The following DENND3 variants were observed in gnomAD, a reference collection of about 807,000 sequenced individuals.
The protein encoded by DENND3 is DENN domain containing 3, also known as DENN domain-containing protein 3.
In DENND3, 88 loss-of-function variants were observed where a neutral mutation model predicts 135.1. That is an observed-to-expected ratio of 0.65 (90% CI 0.55 to 0.78). The LOEUF (loss-of-function observed/expected upper bound fraction) is 0.78. DENND3 is among the 30% of genes least tolerant of loss of function. DENND3 has a pLI of 0.00. For missense variants in DENND3, 1,392 were observed against 1,688.4 expected (o/e 0.82, Z 3.08); for synonymous variants, 693 against 712.3 (o/e 0.97, Z 0.43).
Position 141,167,169 on chromosome 8 carries a change from C to G in DENND3, c.1753+780C>G, listed in dbSNP as rs1820916773. 6.6e-6 allele frequency among the ~76,000 whole-genome samples: 1 copy of G among 152,184 alleles called. No homozygotes were observed. Among genetic ancestry groups the G allele is most frequent in the Admixed American group, 6.5e-5 (1 of 15,286 alleles). ...TCTTTATCGGCTGAGCGCTGGAGCT[C>G]AGAGCGAACATTCTGGAGGCCACTG... is the stretch of plus-strand genomic sequence containing the variant. On this transcript the variant is annotated intron_variant, in intron 12 of 22. Coordinates refer to ENST00000519811, the MANE Select transcript of DENND3 (RefSeq NM_001352890.3). The surrounding 1 kb of genome is among the most constrained non-coding windows in gnomAD (Gnocchi z 4.1).
rs1367436500 is a variant in DENND3, at chr8:141,180,802, C to G, written c.2892C>G (p.Pro964=). Residue 964 remains proline, a synonymous_variant, in exon 17 of 23, where the codon CCC becomes CCG. Coordinates refer to ENST00000519811, the MANE Select transcript of DENND3 (RefSeq NM_001352890.3). ...TLETLKHKIN[P]SAGEAFPQAV... is the part of the protein sequence containing the mutation. ...AAACACTGAAGCATAAAATCAACCC[C>G]TCGGCGGGGGAGGCGTTCCCACAAG... is the stretch of plus-strand genomic sequence containing the variant. 10 of 1,613,588 alleles carry G rather than the reference C, an allele frequency of 6.2e-6. No individual in the cohort carries two copies. Among genetic ancestry groups the G allele is most frequent in the Middle Eastern group, 1.6e-4 (1 of 6,084 alleles).
rs1286450696 is a variant in DENND3 at position 141,178,000 on chromosome 8, A to G, written c.2707-67A>G. ...TGGAAGGATTGTCCTGTGTGTTGCAACAAGGTCTCCGGTGAACTGATCTTA... is the reference window on the plus strand; with the variant it reads ...TGGAAGGATTGTCCTGTGTGTTGCAGCAAGGTCTCCGGTGAACTGATCTTA... On this transcript the variant is annotated intron_variant, in intron 15 of 22. Coordinates refer to ENST00000519811, the MANE Select transcript of DENND3 (RefSeq NM_001352890.3). 2.5e-5 allele frequency: 39 copies of G among 1,534,298 alleles called. No homozygotes were observed. The South Asian group carries it at 4.1e-4, about 16-fold the overall frequency.
chr8:141,178,016 A>G, intron 15 of DENND3, 51 bp from the exon 16 acceptor site: 1 of 1,566,584 alleles, frequency 6.4e-7, no homozygotes, highest in South Asian at 1.1e-5. Context: ...TCTCCGGTGA[A>G]CTGATCTTAG....
Position 141,166,464 on chromosome 8 carries a change from T to C in DENND3, c.1753+75T>C. The C allele has an allele frequency of 1.3e-6, 2 of 1,482,494 alleles. No homozygotes were observed. The highest frequency in any genetic ancestry group is 1.8e-6 in the Non-Finnish European group (2 of 1,101,224). 91.8% of individuals were successfully genotyped at this position (1,482,494 alleles called of 1,614,324 possible). Reference sequence around the variant, plus strand: ...GCACCTGCAAGTCATTGAGCAAAACTGGGACTTGTTTCAGGAGAGACGAGT... The same window carrying C: ...GCACCTGCAAGTCATTGAGCAAAACCGGGACTTGTTTCAGGAGAGACGAGT... On this transcript the variant is annotated intron_variant, in intron 12 of 22. Transcript: ENST00000519811. The surrounding 1 kb of genome is among the most constrained non-coding windows in gnomAD (Gnocchi z 4.3).
intron 15 of DENND3, chr8:141,177,669 C>T (rs1822567517): frequency 6.1e-6 from 1 of 164,030 alleles, no homozygotes; most frequent in African/African-American, 2.4e-5. Flanking sequence ...CCAGCATAGT[C>T]AAACCAAAGC....
intron 16 of DENND3, among the ~76,000 whole-genome samples, chr8:141,179,809 C>T (rs140869374): frequency 1.8e-4 from 28 of 152,298 alleles, no homozygotes; most frequent in South Asian, 1.0e-3. Flanking sequence ...ATGGGGATAA[C>T]GGGACCAATC....
At position 141,131,484 on chromosome 8, in the gene DENND3, G is replaced by T. The variant is rs539215188; in HGVS notation, c.102+2675G>T. On this transcript the variant is annotated intron_variant, in intron 1 of 22. Transcript: ENST00000519811. ...TGGCCTTCCTGGGTGATGGCAGTTC[G>T]TGTCCTCTCTTTGCACCGTGCAGTA... Among the ~76,000 whole-genome samples, 3 of 152,290 alleles carry T rather than the reference G, an allele frequency of 2.0e-5. 1 individual carries two copies. The Middle Eastern group carries it at 0.01, about 518-fold the overall frequency.
intron 6 of DENND3, 91 bp from the exon 7 acceptor site, chr8:141,151,528 T>C: frequency 7.9e-7 from 1 of 1,272,586 alleles, no homozygotes; most frequent in Non-Finnish European, 1.1e-6. Context: ...ACCACTGCAC[T>C]CCAGCCTGGG....
chr8:141,168,391 T>G lies in DENND3; in HGVS notation c.2141T>G (p.Leu714Arg). Residue 714 changes from leucine (L) to arginine (R), a missense_variant, in exon 13 of 23, where the codon CTG becomes CGG. Coordinates refer to ENST00000519811, the MANE Select transcript of DENND3 (RefSeq NM_001352890.3). The surrounding 1 kb of genome is among the most constrained non-coding windows in gnomAD (Gnocchi z 6.2). ...GACAAGCCGCACGAGGCCTCGAAGC[T>G]GGACGACCACGTGAAGAAGTTCAAG... ...ILDKPHEASK[L>R]DDHVKKFKLP... 1.2e-6 allele frequency: 2 copies of G among 1,613,938 alleles called. No individual in the cohort carries two copies. Among genetic ancestry groups the G allele is most frequent in the Admixed American group, 3.3e-5 (2 of 60,026 alleles).
At position 141,154,950 on chromosome 8, in the gene DENND3, C is replaced by T. The variant is rs1444273176; in HGVS notation, c.1075-899C>T. On this transcript the variant is annotated intron_variant, in intron 7 of 22. Transcript: ENST00000519811. The surrounding 1 kb of genome is among the most constrained non-coding windows in gnomAD (Gnocchi z 4.4). ...TAATGGACTATTCAGGCTGAAGAAG[C>T]AAGGATGTTCTGACACATGCCTCAG... Among the ~76,000 whole-genome samples the T allele has an allele frequency of 6.6e-6, 1 of 152,184 alleles. No homozygotes were observed. The highest frequency in any genetic ancestry group is 1.5e-5 in the Non-Finnish European group (1 of 68,034).
intron 7 of DENND3, among the ~76,000 whole-genome samples, chr8:141,152,483 C>T (rs1006251732): frequency 2.6e-5 from 4 of 152,188 alleles, no homozygotes; most frequent in African/African-American, 7.2e-5. Flanking sequence ...TTGCTCCATG[C>T]GCTATCCTTC....
Position 141,128,842 on chromosome 8 carries a change from C to G in DENND3, c.102+33C>G, listed in dbSNP as rs1262657954. The G allele has an allele frequency of 1.5e-6, 2 of 1,342,880 alleles. No homozygotes were observed. Among genetic ancestry groups the G allele is most frequent in the Non-Finnish European group, 1.9e-6 (2 of 1,035,556 alleles). 83.2% of individuals were successfully genotyped at this position (1,342,880 alleles called of 1,614,324 possible). A position where few individuals can be genotyped will look rare whatever the true frequency, so the allele number is the denominator to read the frequency against. On this transcript the variant is annotated intron_variant, in intron 1 of 22. Coordinates refer to ENST00000519811, the MANE Select transcript of DENND3 (RefSeq NM_001352890.3). This position sits in a 1 kb window ranked among gnomAD's most constrained non-coding sequence, Gnocchi z 4.5. ...GCGGGGAAACTGAGGCGGACGTGGG[C>G]CACGAGTCGGCAGCCGGGACAGCAG...
At position 141,137,945 on chromosome 8, in the gene DENND3, T is replaced by G; in HGVS notation, c.386-77T>G. 6.9e-7 allele frequency: 1 copy of G among 1,457,090 alleles called. No homozygotes were observed. The highest frequency in any genetic ancestry group is 1.3e-5 in the South Asian group (1 of 79,804). 90.3% of individuals were successfully genotyped at this position (1,457,090 alleles called of 1,614,324 possible). A position where few individuals can be genotyped will look rare whatever the true frequency, so the allele number is the denominator to read the frequency against. On this transcript the variant is annotated intron_variant, in intron 2 of 22. Transcript: ENST00000519811. This position sits in a 1 kb window ranked among gnomAD's most constrained non-coding sequence, Gnocchi z 4.1. ...AACTGTGGAGGTGTGTCCTAAACAC[T>G]GTGAAGAAATCAGCTCGTGGGTAAC... is the stretch of plus-strand genomic sequence containing the variant.
intron 6 of DENND3, 145 bp from the exon 7 acceptor site, chr8:141,151,474 T>C: frequency 1.4e-6 from 1 of 703,230 alleles, no homozygotes; most frequent in Non-Finnish European, 2.3e-6. Context: ...GGTGGGAGGA[T>C]TGCTTAAGCC....
chr8:141,161,139 G>A (rs148870055), intron 9 of DENND3, among the ~76,000 whole-genome samples: 8 of 152,188 alleles, frequency 5.3e-5, no homozygotes, highest in African/African-American at 1.2e-4. Context: ...CTAGGAAGAC[G>A]CAAATCTGAT....
At chr8:141,170,660 G>T (rs1399113977) in intron 13 of DENND3, among the ~76,000 whole-genome samples, 1 of 152,212 alleles carries the variant, frequency 6.6e-6, no homozygotes, top group African/African-American at 2.4e-5. Flanking sequence ...GCAGGGCGGG[G>T]TGGGCCCCAC....
chr8:141,167,102 T>C lies in DENND3; in HGVS notation c.1753+713T>C, dbSNP rs1418921885. On this transcript the variant is annotated intron_variant, in intron 12 of 22. Transcript: ENST00000519811. The surrounding 1 kb of genome is among the most constrained non-coding windows in gnomAD (Gnocchi z 4.1). The stretch of plus-strand genomic sequence containing the variant: ...GACACCTTGATGACCCCGAGGGCTA[T>C]GGTCTAGCAGGGGCAGTGCGCATGA... Among the ~76,000 whole-genome samples, 3 of 152,174 alleles carry C rather than the reference T, an allele frequency of 2.0e-5. No individual in the cohort carries two copies. The East Asian group carries it at 5.8e-4, about 29-fold the overall frequency.
intron 16 of DENND3, 78 bp from the exon 17 acceptor site, chr8:141,180,669 C>A: frequency 1.5e-6 from 2 of 1,301,326 alleles, no homozygotes; most frequent in Non-Finnish European, 2.2e-6. Flanking sequence ...CTGCAGAAAT[C>A]AGAGTGCGTG....
Position 141,138,714 on chromosome 8 carries a change from T to C in DENND3, c.501+577T>C, listed in dbSNP as rs528685559. 6.6e-6 allele frequency among the ~76,000 whole-genome samples: 1 copy of C among 152,154 alleles called. No homozygotes were observed. The highest frequency in any genetic ancestry group is 1.5e-5 in the Non-Finnish European group (1 of 68,030). On this transcript the variant is annotated intron_variant, in intron 3 of 22. Transcript: ENST00000519811. The surrounding 1 kb of genome is among the most constrained non-coding windows in gnomAD (Gnocchi z 4.8). ...AATCCCCTTTCTGTCTCTGGATGTA[T>C]GTATTCTGGACACTTCGTGTAAGTG...
Sources: allele counts gnomAD v4.1 joint callset (sites outside exome capture counted in the v4.1 genomes callset), GRCh38; gene constraint gnomAD v4.1.1; non-coding constraint Gnocchi (gnomAD v3.1); transcripts MANE v1.5; gene names NCBI Gene and HGNC (gene_info 2026-07-23, HGNC 2026-07-21).